Variants in CAPS2 observed in about 807,000 individuals in gnomAD.
CAPS2 encodes calcyphosine 2.
In CAPS2, 98 loss-of-function variants were observed where a neutral mutation model predicts 86.5. The observed-to-expected ratio is 1.13, with a 90% CI of 0.96 to 1.34. The LOEUF is 1.34. Among genes scored for constraint, CAPS2 ranks in the 40% most tolerant of loss-of-function variants. CAPS2 has a pLI of 0.00. For missense variants in CAPS2, 729 were observed against 686.8 expected (o/e 1.06, Z -0.69); for synonymous variants, 210 against 225.1 (o/e 0.93, Z 0.60).
intron 8 of CAPS2, among the ~76,000 whole-genome samples, chr12:75,301,719 T>C (rs184330903): frequency 1.3e-5 from 2 of 152,330 alleles, no homozygotes; most frequent in Admixed American, 1.3e-4. Context: ...ATATTGCTTT[T>C]CAATAGTAAA....
exon 17 of CAPS2, chr12:75,277,481 T>C: frequency 1.1e-6 from 1 of 906,464 alleles, no homozygotes; most frequent in Non-Finnish European, 1.3e-6. Context: ...CCAAAATGTC[T>C]TCTAGCATAT....
At chr12:75,307,179 CATT>C (rs1348251425) in intron 7 of CAPS2, among the ~76,000 whole-genome samples, 1 of 152,150 alleles carries the variant, frequency 6.6e-6, no homozygotes, top group African/African-American at 2.4e-5. Flanking sequence ...AAAGTTTTCT[CATT>C]AATAAAAGAA....
chr12:75,282,102 A>G (rs1275256606), intron 16 of CAPS2, 149 bp downstream of exon 16: 3 of 608,682 alleles, frequency 4.9e-6, no homozygotes, highest in Non-Finnish European at 8.9e-6. Flanking sequence ...TTAAATGAAG[A>G]AAGGCAAATA....
At chr12:75,328,491 T>C (rs1358456890), upstream of CAPS2, among the ~76,000 whole-genome samples, 3 of 152,294 alleles carry the variant, frequency 2.0e-5, no homozygotes, top group East Asian at 5.8e-4. Context: ...TTAGATTTTC[T>C]TTCCCCTAAT....
At chr12:75,372,053 C>T (rs2044392323) in intron 1 of CAPS2, among the ~76,000 whole-genome samples, 2 of 152,162 alleles carry the variant, frequency 1.3e-5, no homozygotes, top group Admixed American at 6.5e-5. Context: ...GAGTCTCTGT[C>T]GCCCAGGCTG....
chr12:75,347,656 C>T (rs115736666), intron 1 of CAPS2: 5 of 1,608,798 alleles, frequency 3.1e-6, no homozygotes, highest in Non-Finnish European at 4.2e-6. Flanking sequence ...GTCGGTTGTG[C>T]AGTTGCAATG....
intron 9 of CAPS2, 133 bp downstream of exon 9, chr12:75,299,703 AT>A (rs1432503449): frequency 2.3e-6 from 1 of 437,148 alleles, no homozygotes; most frequent in Non-Finnish European, 4.2e-6. Flanking sequence ...TTATTTTAAA[AT>A]GTTTGTTCTA....
intron 1 of CAPS2, among the ~76,000 whole-genome samples, chr12:75,325,812 G>A (rs1354844901): frequency 6.6e-6 from 1 of 151,964 alleles, no homozygotes; most frequent in African/African-American, 2.4e-5. Flanking sequence ...GTGTGAGGGG[G>A]GGTAGGGCCA....
intron 5 of CAPS2, among the ~76,000 whole-genome samples, chr12:75,317,010 A>C (rs2039842443): frequency 6.6e-6 from 1 of 152,194 alleles, no homozygotes; most frequent in Non-Finnish European, 1.5e-5. Context: ...AACTTAATAG[A>C]TTATAAGATT....
downstream of CAPS2, chr12:75,276,558 A>C (rs755851235): frequency 1.0e-6 from 1 of 978,868 alleles, no homozygotes; most frequent in African/African-American, 1.8e-5. Flanking sequence ...GTTTAACTAT[A>C]ATGTGATTGC....
chr12:75,317,100 T>C (rs2039853094), intron 5 of CAPS2, among the ~76,000 whole-genome samples: 1 of 152,224 alleles, frequency 6.6e-6, no homozygotes, highest in African/African-American at 2.4e-5. Context: ...TCTGTCTTTA[T>C]GACCTTTGAT....
intron 12 of CAPS2, among the ~76,000 whole-genome samples, chr12:75,292,827 C>T (rs973943324): frequency 6.0e-5 from 9 of 150,130 alleles, no homozygotes; most frequent in Admixed American, 5.3e-4. Flanking sequence ...TCACTGTGCA[C>T]TTTATCAATC....
chr12:75,277,492 T>A, exon 17 of CAPS2: 1 of 905,900 alleles, frequency 1.1e-6, no homozygotes, highest in Non-Finnish European at 1.3e-6. Flanking sequence ...TCTAGCATAT[T>A]GTTTTAATTT....
At chr12:75,343,698 G>A in intron 1 of CAPS2, 1 of 1,599,978 alleles carries the variant, frequency 6.3e-7, no homozygotes, top group Admixed American at 1.7e-5. Context: ...TTCAGATTTG[G>A]GATAAAGGTT....
intron 1 of CAPS2, chr12:75,363,315 G>C: frequency 2.4e-6 from 1 of 411,790 alleles, no homozygotes; most frequent in South Asian, 8.7e-5. Flanking sequence ...GTTATCTTAC[G>C]ATATAAATCA....
At chr12:75,360,187 GGGT>G (rs1361690817) in intron 1 of CAPS2, 1 of 152,118 alleles carries the variant, frequency 6.6e-6, no homozygotes, top group African/African-American at 2.4e-5. Flanking sequence ...GATAAGGTTT[GGGT>G]GGGGACACAG....
chr12:75,366,803 C>A, intron 1 of CAPS2: 1 of 695,968 alleles, frequency 1.4e-6, no homozygotes, highest in Non-Finnish European at 2.6e-6. Context: ...AGGTCTATCA[C>A]CTCTGAGAGG....
chr12:75,324,062 A>G (rs1320675078), intron 2 of CAPS2, among the ~76,000 whole-genome samples: 1 of 152,262 alleles, frequency 6.6e-6, no homozygotes, highest in East Asian at 1.9e-4. Context: ...ACCTAAAATT[A>G]TATCATGTCT....
At chr12:75,306,092 C>G (rs2038453783) in intron 7 of CAPS2, 1 of 1,417,682 alleles carries the variant, frequency 7.1e-7, no homozygotes, top group Non-Finnish European at 9.9e-7. Flanking sequence ...GGCTGCGGCC[C>G]TGGAAGAAGC....
Sources: gnomAD v4.1 joint callset for allele counts (sites outside exome capture counted in the v4.1 genomes callset) on GRCh38, gnomAD v4.1.1 for gene constraint, MANE v1.5 for transcripts, NCBI Gene and HGNC (gene_info 2026-07-23, HGNC 2026-07-21) for gene names.